The following ACVR1 variants were observed in gnomAD, a reference collection of about 807,000 sequenced individuals.
ACVR1 encodes the protein activin receptor type-1.
Under a neutral mutation model 57.1 loss-of-function variants are expected in ACVR1, and 38 were observed. The ratio of observed to expected loss-of-function variants is 0.67; its 90% CI spans 0.51 to 0.87. The LOEUF is 0.87. Ranked by LOEUF, ACVR1 falls within the 40% of genes least tolerant of loss-of-function variation. The probability of loss-of-function intolerance (pLI) is 0.00; values close to 1 mark genes in which losing one functional copy is unlikely to be tolerated. For synonymous variants in ACVR1, 212 were observed against 228.1 expected (o/e 0.93, Z 0.63); for missense variants, 463 against 638.2 (o/e 0.73, Z 2.96).
intron 6 of ACVR1, among the ~76,000 whole-genome samples, 157 bp downstream of exon 6, chr2:157,773,931 G>A (rs999191926): frequency 6.6e-6 from 1 of 152,180 alleles, no homozygotes; most frequent in African/African-American, 2.4e-5. Context: ...AAGTTCAGGT[G>A]CTCCAACATT....
At chr2:157,782,699 A>C (rs796388289) in intron 3 of ACVR1, among the ~76,000 whole-genome samples, 1 of 152,154 alleles carries the variant, frequency 6.6e-6, no homozygotes, top group African/African-American at 2.4e-5. Flanking sequence ...AGGGAAGTGG[A>C]TGGGTGGAGT....
intron 9 of ACVR1, among the ~76,000 whole-genome samples, chr2:157,739,533 C>A (rs1482654384): frequency 6.6e-6 from 1 of 152,186 alleles, no homozygotes; most frequent in Non-Finnish European, 1.5e-5. Context: ...AGGGTTCAAA[C>A]AATGAGGTAA....
At chr2:157,834,440 G>A (rs1002576705) in intron 1 of ACVR1, among the ~76,000 whole-genome samples, 10 of 152,214 alleles carry the variant, frequency 6.6e-5, no homozygotes, top group African/African-American at 2.4e-4. Context: ...CTACACAGAA[G>A]TAGGGGCATT....
chr2:157,741,358 TG>T (rs767787709), intron 9 of ACVR1, among the ~76,000 whole-genome samples: 4 of 152,144 alleles, frequency 2.6e-5, no homozygotes, highest in Non-Finnish European at 4.4e-5. Context: ...GAAAAAACGG[TG>T]GCTCACGCCT....
chr2:157,820,856 A>C (rs929066680), intron 1 of ACVR1, among the ~76,000 whole-genome samples: 1 of 152,192 alleles, frequency 6.6e-6, no homozygotes, highest in Non-Finnish European at 1.5e-5. Flanking sequence ...ATTATTCTTC[A>C]CTGTTTGGCC....
intron 9 of ACVR1, among the ~76,000 whole-genome samples, chr2:157,757,340 A>C (rs1025318197): frequency 6.6e-6 from 1 of 151,848 alleles, no homozygotes; most frequent in Non-Finnish European, 1.5e-5. Context: ...CCCCCAAAAA[A>C]AGCTGAAATT....
intron 3 of ACVR1, among the ~76,000 whole-genome samples, chr2:157,792,398 G>A (rs1219946953): frequency 3.3e-5 from 5 of 152,222 alleles, no homozygotes; most frequent in Admixed American, 3.3e-4. Context: ...CCCAGGCTGA[G>A]AAGGTGCAAA....
rs1446563385 is a variant in ACVR1 at position 157,876,024 on chromosome 2, G to GC, written c.-412dup. Among the ~76,000 whole-genome samples the GC allele has an allele frequency of 6.7e-6, 1 of 149,000 alleles. No individual in the cohort carries two copies. The highest frequency in any genetic ancestry group is 6.7e-5 in the Admixed American group (1 of 15,014). On this transcript the variant is annotated 5_prime_UTR_variant, in exon 1 of 11. Transcript: ENST00000434821. The stretch of plus-strand genomic sequence containing the variant: ...GGTGCGTGGGGCCGGGAGCTTCCCG[G>GC]CCCTGGGGCCGGCGCGGCTGGCCGA...
At chr2:157,838,391 T>C (rs1688865490) in intron 1 of ACVR1, 1 of 152,178 alleles carries the variant, frequency 6.6e-6, no homozygotes, top group Non-Finnish European at 1.5e-5. Context: ...ATTGGTACTG[T>C]TTTCCTAGAA....
At chr2:157,850,997 C>T (rs1455890672) in intron 1 of ACVR1, among the ~76,000 whole-genome samples, 1 of 152,090 alleles carries the variant, frequency 6.6e-6, no homozygotes, top group African/African-American at 2.4e-5. Flanking sequence ...GATCTGTTAA[C>T]TTAACAGATC....
chr2:157,818,685 T>A (rs1044394799), intron 1 of ACVR1, 126 bp from the exon 2 acceptor site: 2 of 152,234 alleles, frequency 1.3e-5, no homozygotes, highest in African/African-American at 4.8e-5. Context: ...AAAGCTGATC[T>A]ACAAGTGCAG....
At chr2:157,792,627 G>C (rs754340988) in intron 3 of ACVR1, among the ~76,000 whole-genome samples, 1 of 152,136 alleles carries the variant, frequency 6.6e-6, no homozygotes, top group Admixed American at 6.5e-5. Context: ...ATTTCAATAT[G>C]GGGTATGACC....
At chr2:157,818,032 C>G (rs1281670352) in intron 2 of ACVR1, among the ~76,000 whole-genome samples, 3 of 149,224 alleles carry the variant, frequency 2.0e-5, no homozygotes, top group African/African-American at 7.3e-5. Context: ...AAAAGAAAAA[C>G]TTAATGTAGT....
intron 10 of ACVR1, among the ~76,000 whole-genome samples, 182 bp downstream of exon 10, chr2:157,738,258 C>T (rs1684616112): frequency 6.6e-6 from 1 of 152,144 alleles, no homozygotes; most frequent in Admixed American, 6.6e-5. Context: ...ATGGCTTCTT[C>T]AAGAATGGAG....
At chr2:157,809,992 C>G (rs1237548999) in intron 2 of ACVR1, among the ~76,000 whole-genome samples, 1 of 152,166 alleles carries the variant, frequency 6.6e-6, no homozygotes, top group Non-Finnish European at 1.5e-5. Context: ...GACAAGATTA[C>G]TTGAGCCCAG....
intron 1 of ACVR1, among the ~76,000 whole-genome samples, chr2:157,867,106 C>T (rs915589261): frequency 3.3e-5 from 5 of 152,196 alleles, no homozygotes; most frequent in African/African-American, 4.8e-5. Flanking sequence ...TCCATTCCAA[C>T]CCAGGTGCTC....
At chr2:157,772,552 A>AG (rs1686109258) in intron 6 of ACVR1, among the ~76,000 whole-genome samples, 1 of 152,178 alleles carries the variant, frequency 6.6e-6, no homozygotes, top group Non-Finnish European at 1.5e-5. Flanking sequence ...GAAACTACAT[A>AG]CTTTAAAGGT....
intron 9 of ACVR1, among the ~76,000 whole-genome samples, chr2:157,742,996 G>A (rs1684837240): frequency 6.6e-6 from 1 of 151,968 alleles, no homozygotes; most frequent in African/African-American, 2.4e-5. Context: ...CCGTCCATGG[G>A]AGCCCACTCC....
At chr2:157,740,966 C>G (rs1001946192) in intron 9 of ACVR1, among the ~76,000 whole-genome samples, 1 of 152,112 alleles carries the variant, frequency 6.6e-6, no homozygotes, top group Non-Finnish European at 1.5e-5. Flanking sequence ...TAAAATAAAC[C>G]TGGGATTAAG....
Sources: allele counts gnomAD v4.1 joint callset (sites outside exome capture counted in the v4.1 genomes callset), GRCh38; gene constraint gnomAD v4.1.1; transcripts MANE v1.5; gene names NCBI Gene and HGNC (gene_info 2026-07-23, HGNC 2026-07-21).